The following CEP83 variants were observed in gnomAD, a reference collection of about 807,000 sequenced individuals.
CEP83 encodes centrosomal protein 83.
A neutral mutation model predicts 101.9 loss-of-function variants in CEP83; 70 were observed. The ratio of observed to expected loss-of-function variants is 0.69; its 90% CI spans 0.57 to 0.84. CEP83 has a LOEUF of 0.84. Ranked by LOEUF, CEP83 falls within the 40% of genes least tolerant of loss-of-function variation. The probability of loss-of-function intolerance (pLI) is 0.00; values close to 1 mark genes in which losing one functional copy is unlikely to be tolerated. For synonymous variants in CEP83, 264 were observed against 267.9 expected (o/e 0.99, Z 0.14); for missense variants, 715 against 787.2 (o/e 0.91, Z 1.10).
At chr12:94,348,075 T>A (rs1393204207) in intron 11 of CEP83, among the ~76,000 whole-genome samples, 1 of 151,858 alleles carries the variant, frequency 6.6e-6, no homozygotes, top group Non-Finnish European at 1.5e-5. Context: ...TTTAAAATAG[T>A]TAAAATGGTA....
At chr12:94,377,517 G>T (rs2061613516) in intron 7 of CEP83, among the ~76,000 whole-genome samples, 1 of 152,054 alleles carries the variant, frequency 6.6e-6, no homozygotes, top group African/African-American at 2.4e-5. Flanking sequence ...CAAACAATTA[G>T]GGAAAAAAAC....
chr12:94,344,199 T>C (rs1050862870), intron 11 of CEP83, among the ~76,000 whole-genome samples: 3 of 152,222 alleles, frequency 2.0e-5, no homozygotes, highest in African/African-American at 7.2e-5. Flanking sequence ...TACTACATCT[T>C]CTGTTAAACA....
intron 4 of CEP83, among the ~76,000 whole-genome samples, chr12:94,406,166 C>A (rs1017886512): frequency 2.0e-5 from 3 of 152,078 alleles, no homozygotes; most frequent in Non-Finnish European, 4.4e-5. Context: ...AAAAGCAAGA[C>A]CCAGAAAGAT....
chr12:94,416,911 C>T (rs2064318071), intron 2 of CEP83, among the ~76,000 whole-genome samples: 1 of 152,030 alleles, frequency 6.6e-6, no homozygotes. Context: ...TCCAGGGTAT[C>T]AGGGAAGATC....
chr12:94,332,886 G>C (rs1035262974), intron 13 of CEP83, among the ~76,000 whole-genome samples: 6 of 151,642 alleles, frequency 4.0e-5, no homozygotes, highest in Non-Finnish European at 7.4e-5. Flanking sequence ...TACTTACAAG[G>C]CCAACATGTT....
the CEP83 span, among the ~76,000 whole-genome samples, chr12:94,296,799 T>C: frequency 6.6e-6 from 1 of 152,242 alleles, no homozygotes; most frequent in Non-Finnish European, 1.5e-5. Context: ...ACCTAGAAGT[T>C]TGATGTCTCT....
At chr12:94,440,362 A>G (rs760805725) in intron 1 of CEP83, among the ~76,000 whole-genome samples, 25 of 152,226 alleles carry the variant, frequency 1.6e-4, no homozygotes, top group Non-Finnish European at 3.2e-4. Context: ...ATTGATGTAC[A>G]CAGATGAGTA....
At chr12:94,449,585 G>C (rs2067078534) in intron 1 of CEP83, among the ~76,000 whole-genome samples, 1 of 146,860 alleles carries the variant, frequency 6.8e-6, no homozygotes, top group Non-Finnish European at 1.5e-5. Context: ...GCAAAACCCT[G>C]TCTCTACAAA....
At chr12:94,433,734 A>G (rs1425757406) in intron 2 of CEP83, among the ~76,000 whole-genome samples, 1 of 152,040 alleles carries the variant, frequency 6.6e-6, no homozygotes, top group African/African-American at 2.4e-5. Context: ...CAAGAGCAGG[A>G]GTTAATAATT....
rs971246091 is a variant in CEP83, at chr12:94,331,019, G to A, written c.1707+681C>T. Among the ~76,000 whole-genome samples the A allele has an allele frequency of 5.9e-5, 9 of 151,950 alleles. No individual in the cohort carries two copies. In the South Asian group the frequency reaches 6.2e-4, roughly 11 times the overall value. ...TATAAGAGTTTATTAGGATGGACGCGGTAGCTCACACCTCTTAATCCCAGC... is the reference window on the plus strand; with the variant it reads ...TATAAGAGTTTATTAGGATGGACGCAGTAGCTCACACCTCTTAATCCCAGC... On this transcript the variant is annotated intron_variant, in intron 14 of 16. Coordinates refer to ENST00000397809, the MANE Select transcript of CEP83 (RefSeq NM_016122.3).
intron 6 of CEP83, among the ~76,000 whole-genome samples, chr12:94,393,108 C>T (rs1340632042): frequency 6.6e-6 from 1 of 152,180 alleles, no homozygotes; most frequent in Non-Finnish European, 1.5e-5. Flanking sequence ...AAGAGGGAAT[C>T]CTCCCTAACT....
chr12:94,425,414 A>T (rs1040159078), intron 2 of CEP83, among the ~76,000 whole-genome samples: 1 of 152,194 alleles, frequency 6.6e-6, no homozygotes, highest in African/African-American at 2.4e-5. Context: ...TGCAAGATCC[A>T]ATCAGATCAT....
chr12:94,305,104 C>A (rs3803071), downstream of CEP83: 2 of 806,222 alleles, frequency 2.5e-6, no homozygotes, highest in Non-Finnish European at 2.1e-6. Flanking sequence ...TTACCACTCA[C>A]AGCATCAGGT....
intron 4 of CEP83, among the ~76,000 whole-genome samples, chr12:94,408,971 T>C (rs544612384): frequency 9.9e-5 from 15 of 152,168 alleles, no homozygotes; most frequent in Non-Finnish European, 5.9e-5. Context: ...GATGCAGAAA[T>C]GTTCTTTAAA....
chr12:94,303,680 T>C, downstream of CEP83: 1 of 1,283,156 alleles, frequency 7.8e-7, no homozygotes, highest in South Asian at 1.7e-5. Flanking sequence ...TGGAATATTA[T>C]AAATTCCTCC....
the CEP83 span, among the ~76,000 whole-genome samples, chr12:94,274,390 T>C: frequency 9.2e-5 from 14 of 152,202 alleles, no homozygotes; most frequent in Admixed American, 9.2e-4. Context: ...CTGGGTTACA[T>C]GACCAGTCCC....
rs2063900050 is a variant in CEP83 at position 94,411,814 on chromosome 12, T to A, written c.207A>T (p.Glu69Asp). The change falls in exon 4 of 17, where the codon GAA becomes GAT. Residue 69 changes from glutamate to aspartate, a missense_variant. Physicochemically the swap from Glu to Asp is conservative, Grantham distance 45. Coordinates refer to ENST00000397809, the MANE Select transcript of CEP83 (RefSeq NM_016122.3). Reference sequence around the variant, plus strand: ...GCTTTTCATTAAACAGGTGCTTGAGTTCATTTTGTAACTTTACATGTTCAT... The same window carrying A: ...GCTTTTCATTAAACAGGTGCTTGAGATCATTTTGTAACTTTACATGTTCAT... ...LQNEHVKLQN[E>D]LKHLFNEKQT... 1 of 1,612,600 alleles carries A rather than the reference T, an allele frequency of 6.2e-7. No homozygotes were observed. Among genetic ancestry groups the A allele is most frequent in the African/African-American group, 1.3e-5 (1 of 74,892 alleles).
At chr12:94,297,780 G>A in the CEP83 span, among the ~76,000 whole-genome samples, 38,409 of 152,004 alleles carry the variant, frequency 0.25, 4,967 homozygotes, top group Admixed American at 0.3. Context: ...TTTGAATTGC[G>A]AATAAAATGA....
In CEP83 at chr12:94,331,846, T is replaced by C. The variant is rs1593201926; in HGVS notation, c.1578-17A>G. The C allele has an allele frequency of 5.0e-6, 8 of 1,608,220 alleles. No individual in the cohort carries two copies. The East Asian group carries it at 6.7e-5, about 13-fold the overall frequency. On this transcript the variant is annotated splice_polypyrimidine_tract_variant and intron_variant, in intron 13 of 16. Transcript: ENST00000397809. ...TCCAATGTCCTGTCAGAAGAATGTA[T>C]GTAAAACATGGAAGTTAAATAAGTT... is the stretch of plus-strand genomic sequence containing the variant.
Sources: allele counts gnomAD v4.1 joint callset (sites outside exome capture counted in the v4.1 genomes callset), GRCh38; gene constraint gnomAD v4.1.1; transcripts MANE v1.5; gene names NCBI Gene and HGNC (gene_info 2026-07-23, HGNC 2026-07-21).